LITAF: variants seen among roughly 807,000 people sequenced by gnomAD.
LITAF encodes the protein lipopolysaccharide induced TNF factor, also known as lipopolysaccharide-induced tumor necrosis factor-alpha factor.
In LITAF, 9 loss-of-function variants were observed where a neutral mutation model predicts 14.5. The observed-to-expected ratio is 0.62, with a 90% CI of 0.37 to 1.08. The LOEUF is 1.08. Among genes scored for constraint, LITAF ranks in the 50% least tolerant of loss-of-function variants. The probability of loss-of-function intolerance (pLI) is 0.01; values close to 1 mark genes in which losing one functional copy is unlikely to be tolerated. For missense variants in LITAF, 206 were observed against 213.4 expected (o/e 0.97, Z 0.22); for synonymous variants, 98 against 88.2 (o/e 1.11, Z -0.62).
chr16:11,584,246 T>C (rs2064777511), intron 1 of LITAF: 1 of 152,110 alleles, frequency 6.6e-6, no homozygotes, highest in African/African-American at 2.4e-5. Context: ...CGAAAACAAA[T>C]AGAGGACAAG....
chr16:11,606,411 C>T (rs1457614353), intron 3 of LITAF, among the ~76,000 whole-genome samples: 1 of 151,976 alleles, frequency 6.6e-6, no homozygotes, highest in East Asian at 1.9e-4. Context: ...GCAACTGATC[C>T]ACCTGCCTCG....
At chr16:11,580,488 CCTCATGATCCACCCA>C in intron 1 of LITAF, among the ~76,000 whole-genome samples, 1 of 152,252 alleles carries the variant, frequency 6.6e-6, no homozygotes, top group African/African-American at 2.4e-5. Context: ...GAACTCCTGA[CCTCATGATCCACCCA>C]CCTTGGCCTC....
chr16:11,558,004 T>C lies in LITAF; in HGVS notation c.-5-1269A>G, dbSNP rs1265420979. Among the ~76,000 whole-genome samples the C allele has an allele frequency of 6.6e-6, 1 of 152,144 alleles. No homozygotes were observed. Among genetic ancestry groups the C allele is most frequent in the African/African-American group, 2.4e-5 (1 of 41,436 alleles). The stretch of plus-strand genomic sequence containing the variant: ...CAGTGCTGTTCTTTGTGTGGCTGTT[T>C]TTCTAACTGGGCAGGGTTCAGGCTG... On this transcript the variant is annotated intron_variant, in intron 1 of 3. Transcript: ENST00000622633. This position sits in a 1 kb window ranked among gnomAD's most constrained non-coding sequence, Gnocchi z 4.1.
At chr16:11,636,164 G>C (rs924558696) in intron 1 of LITAF, 1 of 152,184 alleles carries the variant, frequency 6.6e-6, no homozygotes, top group Non-Finnish European at 1.5e-5. Context: ...CCTCGGAGCC[G>C]GGCTGGGGCA....
intron 3 of LITAF, among the ~76,000 whole-genome samples, chr16:11,617,292 C>T (rs997138752): frequency 3.9e-5 from 6 of 152,076 alleles, no homozygotes; most frequent in African/African-American, 1.2e-4. Flanking sequence ...AATAACGATA[C>T]AGTCCGCCAT....
Position 11,549,198 on chromosome 16 carries a change from C to A in LITAF, c.*439G>T, listed in dbSNP as rs13337025. 2.2e-6 allele frequency: 1 copy of A among 452,882 alleles called. No individual in the cohort carries two copies. Among genetic ancestry groups the A allele is most frequent in the Non-Finnish European group, 4.4e-6 (1 of 226,044 alleles). The allele number at this position is 452,882 out of a possible 1,614,324, so 28.1% of individuals were successfully genotyped here. On this transcript the variant is annotated 3_prime_UTR_variant, in exon 4 of 4. Transcript: ENST00000622633. This position sits in a 1 kb window ranked among gnomAD's most constrained non-coding sequence, Gnocchi z 4.6. ...GAGACGGATAAGATAATGGTAGGCA[C>A]TAAAGGCTGGTTCAGCCGAGCTCTG...
At chr16:11,585,651 G>T (rs543242215) in intron 1 of LITAF, among the ~76,000 whole-genome samples, 7 of 152,290 alleles carry the variant, frequency 4.6e-5, no homozygotes, top group Admixed American at 2.6e-4. Flanking sequence ...CTCTGAGAAG[G>T]CAGGGGGTGA....
intron 1 of LITAF, among the ~76,000 whole-genome samples, chr16:11,562,151 G>T (rs554708729): frequency 6.6e-6 from 1 of 151,444 alleles, no homozygotes; most frequent in Non-Finnish European, 1.5e-5. Context: ...AAACTCCTGG[G>T]CTCAAGTGAT....
intron 1 of LITAF, among the ~76,000 whole-genome samples, chr16:11,560,435 A>G (rs2064343544): frequency 6.6e-6 from 1 of 151,580 alleles, no homozygotes; most frequent in Non-Finnish European, 1.5e-5. Context: ...ACATGGTGAA[A>G]CCCCATCTCT....
intron 3 of LITAF, among the ~76,000 whole-genome samples, chr16:11,626,255 T>C (rs1054039595): frequency 4.6e-5 from 7 of 152,194 alleles, no homozygotes; most frequent in Admixed American, 2.6e-4. Flanking sequence ...CTCAGCTCAC[T>C]GCAACCTCTG....
upstream of LITAF, among the ~76,000 whole-genome samples, chr16:11,587,926 C>G (rs917964452): frequency 9.9e-5 from 15 of 152,168 alleles, no homozygotes; most frequent in African/African-American, 3.6e-4. Context: ...CCCATGCTGG[C>G]AAAGACCTGG....
chr16:11,598,175 G>T (rs1236539321), intron 1 of LITAF, among the ~76,000 whole-genome samples: 1 of 152,128 alleles, frequency 6.6e-6, no homozygotes, highest in Non-Finnish European at 1.5e-5. Context: ...TGGAATTACA[G>T]GCATGAGCCT....
chr16:11,617,134 C>T (rs1313007273), intron 3 of LITAF, among the ~76,000 whole-genome samples: 1 of 151,852 alleles, frequency 6.6e-6, no homozygotes, highest in Non-Finnish European at 1.5e-5. Flanking sequence ...GCAGGAGGAT[C>T]GCTTGAACCC....
upstream of LITAF, among the ~76,000 whole-genome samples, chr16:11,636,970 A>G (rs2065140668): frequency 2.6e-5 from 4 of 151,304 alleles, no homozygotes; most frequent in Admixed American, 2.0e-4. Flanking sequence ...CCCAGGTTCC[A>G]GTGATTCTCC....
chr16:11,599,221 C>A (rs981136377), upstream of LITAF, among the ~76,000 whole-genome samples: 1 of 151,938 alleles, frequency 6.6e-6, no homozygotes, highest in Non-Finnish European at 1.5e-5. Context: ...TGGGTTCCAG[C>A]GATTCTCCTG....
chr16:11,550,084 T>C (rs1303049248), intron 3 of LITAF, among the ~76,000 whole-genome samples: 2 of 152,188 alleles, frequency 1.3e-5, no homozygotes, highest in African/African-American at 4.8e-5. Context: ...GGAGGGAGCG[T>C]GGCCCTGCTG....
chr16:11,579,066 G>A (rs1298129933), intron 1 of LITAF, among the ~76,000 whole-genome samples: 3 of 152,114 alleles, frequency 2.0e-5, no homozygotes, highest in Non-Finnish European at 4.4e-5. Context: ...GTGCGTGCCT[G>A]TAATCCCAGC....
chr16:11,636,353 G>C (rs114573532), exon 1 of LITAF: 1 of 152,250 alleles, frequency 6.6e-6, no homozygotes, highest in African/African-American at 2.4e-5. Flanking sequence ...TGCGAAGAAA[G>C]GGGTCCCAGA....
intron 1 of LITAF, among the ~76,000 whole-genome samples, chr16:11,570,657 G>A (rs951005572): frequency 6.6e-6 from 1 of 152,164 alleles, no homozygotes; most frequent in African/African-American, 2.4e-5. Flanking sequence ...GGATTAACCA[G>A]GTAGGCCCGG....
Sources: gnomAD v4.1 joint callset for allele counts (sites outside exome capture counted in the v4.1 genomes callset) on GRCh38, gnomAD v4.1.1 for gene constraint, Gnocchi (gnomAD v3.1) non-coding constraint, MANE v1.5 for transcripts, NCBI Gene and HGNC (gene_info 2026-07-23, HGNC 2026-07-21) for gene names.